The following SEC61A2 variants were observed in gnomAD, a reference collection of about 807,000 sequenced individuals.
SEC61A2 encodes the protein protein transport protein Sec61 subunit alpha isoform 2.
A neutral mutation model predicts 59.9 loss-of-function variants in SEC61A2; 28 were observed. That is an observed-to-expected ratio of 0.47 (90% confidence interval 0.35 to 0.64). SEC61A2 has a LOEUF of 0.64. SEC61A2 is among the 30% of genes least tolerant of loss of function. The pLI, the probability that SEC61A2 is intolerant of heterozygous loss-of-function variation, is 0.01. For missense variants in SEC61A2, 340 were observed against 585.9 expected (o/e 0.58, Z 4.33); for synonymous variants, 202 against 214.4 (o/e 0.94, Z 0.50).
chr10:12,156,719 CAT>C lies in SEC61A2; in HGVS notation c.617-186_617-185del, dbSNP rs1338766600. 6.6e-6 allele frequency among the ~76,000 whole-genome samples: 1 copy of C among 152,186 alleles called. No individual in the cohort carries two copies. The highest frequency in any genetic ancestry group is 2.4e-5 in the African/African-American group (1 of 41,456). On this transcript the variant is annotated intron_variant, in intron 7 of 11. Coordinates refer to ENST00000298428, the MANE Select transcript of SEC61A2 (RefSeq NM_018144.4). The surrounding 1 kb of genome is among the most constrained non-coding windows in gnomAD (Gnocchi z 5.2). Reference sequence around the variant, plus strand: ...AAACTTCGGATTTATGCTATAAAAACATAGATTTGCCTCAATGATCTAAATAT... The same window carrying C: ...AAACTTCGGATTTATGCTATAAAAACAGATTTGCCTCAATGATCTAAATAT...
chr10:12,161,206 G>A lies in SEC61A2; in HGVS notation c.1167+85G>A, dbSNP rs1419455919. ...TAATCGTAGCACTTTGGCAGGCTGA[G>A]GCCGCTGGATCGCTTCACCTCAGGA... On this transcript the variant is annotated intron_variant, in intron 10 of 11. Transcript: ENST00000298428. The surrounding 1 kb of genome is among the most constrained non-coding windows in gnomAD (Gnocchi z 5.4). 4 of 1,090,660 alleles carry A rather than the reference G, an allele frequency of 3.7e-6. No homozygotes were observed. The East Asian group carries it at 1.0e-4, about 28-fold the overall frequency. 67.6% of individuals were successfully genotyped at this position (1,090,660 alleles called of 1,614,324 possible). A position where few individuals can be genotyped will look rare whatever the true frequency, so the allele number is the denominator to read the frequency against.
In SEC61A2 at chr10:12,142,588, G is replaced by T. The variant is rs571987395; in HGVS notation, c.142-529G>T. 2 of 820,528 alleles carry T rather than the reference G, an allele frequency of 2.4e-6. No homozygotes were observed. Among genetic ancestry groups the T allele is most frequent in the Admixed American group, 1.2e-4 (2 of 16,140 alleles). The allele number at this position is 820,528 out of a possible 1,614,324, so 50.8% of individuals were successfully genotyped here. On this transcript the variant is annotated intron_variant, in intron 3 of 11. Transcript: ENST00000298428. The surrounding 1 kb of genome is among the most constrained non-coding windows in gnomAD (Gnocchi z 5.4). The stretch of plus-strand genomic sequence containing the variant: ...CAGGTATAATATTCCATAATCTACT[G>T]GTGGGAGTGTTTTTTAAATTGTGGT...
At chr10:12,151,009 T>TTA (rs1834259021) in intron 6 of SEC61A2, among the ~76,000 whole-genome samples, 1 of 151,872 alleles carries the variant, frequency 6.6e-6, no homozygotes, top group African/African-American at 2.4e-5. Context: ...ACTCCTGACC[T>TTA]CGTGATTCGC....
At chr10:12,147,498 A>G (rs995429713) in intron 4 of SEC61A2, among the ~76,000 whole-genome samples, 1 of 152,136 alleles carries the variant, frequency 6.6e-6, no homozygotes, top group African/African-American at 2.4e-5. Context: ...CTGACTGGCC[A>G]ATGTAGTGAA....
At chr10:12,169,182 CCCT>C (rs1834789152), downstream of SEC61A2, 1 of 910,110 alleles carries the variant, frequency 1.1e-6, no homozygotes, top group Non-Finnish European at 1.7e-6. This position sits in a 1 kb window ranked among gnomAD's most constrained non-coding sequence, Gnocchi z 4.8. Flanking sequence ...GTTCTTTTAC[CCCT>C]CCTCCTTTAT....
intron 2 of SEC61A2, 146 bp from the exon 3 acceptor site, chr10:12,135,959 A>T: frequency 1.6e-6 from 1 of 627,844 alleles, no homozygotes; most frequent in Non-Finnish European, 2.9e-6. Flanking sequence ...TACCTAATAA[A>T]CAAAAATGCT....
chr10:12,146,083 C>T (rs542025310), intron 4 of SEC61A2, among the ~76,000 whole-genome samples: 3 of 152,222 alleles, frequency 2.0e-5, no homozygotes, highest in East Asian at 1.9e-4. Flanking sequence ...TGCAATGGTG[C>T]GATCTTGGCT....
intron 4 of SEC61A2, among the ~76,000 whole-genome samples, chr10:12,144,694 A>G (rs930672702): frequency 1.3e-5 from 2 of 152,128 alleles, no homozygotes; most frequent in Admixed American, 1.3e-4. Flanking sequence ...TGAGGGAGGC[A>G]TATTCTAGGG....
chr10:12,153,037 C>T lies in SEC61A2; in HGVS notation c.463-2741C>T, dbSNP rs190694498. Among the ~76,000 whole-genome samples, 334 of 149,214 alleles carry T rather than the reference C, an allele frequency of 2.2e-3. 2 individuals are homozygous for T. Among genetic ancestry groups the T allele is most frequent in the African/African-American group, 7.8e-3 (316 of 40,434 alleles). On this transcript the variant is annotated intron_variant, in intron 6 of 11. Transcript: ENST00000298428. This position sits in a 1 kb window ranked among gnomAD's most constrained non-coding sequence, Gnocchi z 5.2. ...TCACACCACTGCACTCCAGCCTGGG[C>T]GACAGAGTGAGACTCTGTCTCAAAA...
At chr10:12,146,248 C>A (rs1834134563) in intron 4 of SEC61A2, among the ~76,000 whole-genome samples, 1 of 152,118 alleles carries the variant, frequency 6.6e-6, no homozygotes. Flanking sequence ...GAATTCCTGA[C>A]CTCAGGTGAT....
downstream of SEC61A2, chr10:12,169,955 A>G (rs1834817421): frequency 1.6e-6 from 1 of 626,818 alleles, no homozygotes; most frequent in Admixed American, 2.9e-5. This position sits in a 1 kb window ranked among gnomAD's most constrained non-coding sequence, Gnocchi z 4.8. Flanking sequence ...TATTCCCATG[A>G]TGACAAGTGT....
downstream of SEC61A2, among the ~76,000 whole-genome samples, chr10:12,168,414 T>C (rs1199061725): frequency 6.6e-6 from 1 of 152,218 alleles, no homozygotes; most frequent in East Asian, 1.9e-4. The surrounding 1 kb of genome is among the most constrained non-coding windows in gnomAD (Gnocchi z 4.8). Context: ...GGCTTTGCTT[T>C]TCTGAAACCA....
At chr10:12,167,595 A>T, downstream of SEC61A2, 1 of 1,071,944 alleles carries the variant, frequency 9.3e-7, no homozygotes, top group Non-Finnish European at 1.4e-6. Context: ...CTTTTATTTT[A>T]CGAAAAAGCT....
At chr10:12,132,227 G>T (rs908651045) in intron 1 of SEC61A2, among the ~76,000 whole-genome samples, 1 of 151,504 alleles carries the variant, frequency 6.6e-6, no homozygotes, top group Non-Finnish European at 1.5e-5. Flanking sequence ...CTTGAACCCG[G>T]GGGGCGGAGG....
At chr10:12,169,523 C>A, downstream of SEC61A2, 1 of 504,564 alleles carries the variant, frequency 2.0e-6, no homozygotes, top group Non-Finnish European at 3.5e-6. This position sits in a 1 kb window ranked among gnomAD's most constrained non-coding sequence, Gnocchi z 4.8. Context: ...AGCTGCGCTG[C>A]CTCGTATTGA....
chr10:12,146,814 A>C (rs569153353), intron 4 of SEC61A2, among the ~76,000 whole-genome samples: 2 of 152,004 alleles, frequency 1.3e-5, no homozygotes, highest in Non-Finnish European at 2.9e-5. Context: ...CACCGCGCCC[A>C]GCCAGTTTGT....
chr10:12,156,936 C>G lies in SEC61A2; in HGVS notation c.646C>G (p.Leu216Val). ...TGAGTTTGAGGGTGCAGTCATAGCTCTGTTCCATTTGTTGGCCACCAGGAC... is the reference window on the plus strand; with the variant it reads ...TGAGTTTGAGGGTGCAGTCATAGCTGTGTTCCATTTGTTGGCCACCAGGAC... The part of the protein sequence containing the change: ...GTEFEGAVIA[L>V]FHLLATRTDK... Residue 216 changes from leucine to valine, a missense_variant, in exon 8 of 12, where the codon CTG becomes GTG. Physicochemically the swap from Leu to Val is conservative, Grantham distance 32 (BLOSUM62 1). Coordinates refer to ENST00000298428, the MANE Select transcript of SEC61A2 (RefSeq NM_018144.4). The surrounding 1 kb of genome is among the most constrained non-coding windows in gnomAD (Gnocchi z 5.2). 2 of 1,613,964 alleles carry G rather than the reference C, an allele frequency of 1.2e-6. No individual in the cohort carries two copies. The highest frequency in any genetic ancestry group is 1.7e-6 in the Non-Finnish European group (2 of 1,179,886).
intron 3 of SEC61A2, among the ~76,000 whole-genome samples, chr10:12,138,238 A>C (rs537742306): frequency 6.6e-6 from 1 of 152,168 alleles, no homozygotes; most frequent in Non-Finnish European, 1.5e-5. Context: ...ACTTGTTTTA[A>C]ATTTGTTTTA....
intron 3 of SEC61A2, among the ~76,000 whole-genome samples, chr10:12,140,581 C>T (rs1431419404): frequency 6.6e-6 from 1 of 152,148 alleles, no homozygotes; most frequent in Non-Finnish European, 1.5e-5. Context: ...GGTCGTTGGG[C>T]GGAGTGGCCG....
Sources: allele counts gnomAD v4.1 joint callset (sites outside exome capture counted in the v4.1 genomes callset), GRCh38; gene constraint gnomAD v4.1.1; non-coding constraint Gnocchi (gnomAD v3.1); transcripts MANE v1.5; gene names NCBI Gene and HGNC (gene_info 2026-07-23, HGNC 2026-07-21).